Variants in TTC23 observed in about 807,000 individuals in gnomAD.
TTC23 encodes the protein tetratricopeptide repeat domain 23, also known as tetratricopeptide repeat protein 23.
In TTC23, 58 loss-of-function variants were observed where a neutral mutation model predicts 55.1. That is an observed-to-expected ratio of 1.05 (90% confidence interval 0.85 to 1.31). TTC23 has a LOEUF of 1.31. Ranked by LOEUF, TTC23 falls within the 50% of genes most tolerant of loss-of-function variation. TTC23 has a pLI of 0.00. For missense variants in TTC23, 516 were observed against 534.4 expected (o/e 0.97, Z 0.34); for synonymous variants, 203 against 199.9 (o/e 1.02, Z -0.13).
chr15:99,161,705 G>T (rs760971346), intron 11 of TTC23, 35 bp downstream of exon 11: 23 of 1,596,070 alleles, frequency 1.4e-5, no homozygotes, highest in Non-Finnish European at 2.0e-5. Context: ...TATCAACTGT[G>T]AATAACTAGA....
chr15:99,214,582 C>T (rs1336668845), intron 8 of TTC23, among the ~76,000 whole-genome samples: 2 of 151,150 alleles, frequency 1.3e-5, no homozygotes, highest in Non-Finnish European at 2.9e-5. Flanking sequence ...AGCACCACCA[C>T]ACTTGGATAA....
intron 12 of TTC23, among the ~76,000 whole-genome samples, chr15:99,151,635 C>A (rs1555496996): frequency 6.6e-6 from 1 of 152,202 alleles, no homozygotes; most frequent in African/African-American, 2.4e-5. Flanking sequence ...CCCCTTTATA[C>A]CTGAGCTAGT....
intron 8 of TTC23, among the ~76,000 whole-genome samples, chr15:99,212,861 T>A (rs1036298842): frequency 6.6e-6 from 1 of 151,836 alleles, no homozygotes; most frequent in East Asian, 1.9e-4. Flanking sequence ...GGCACGTGCC[T>A]GTAGTCCCAG....
chr15:99,176,906 C>T (rs1409547741), intron 9 of TTC23, among the ~76,000 whole-genome samples: 3 of 152,144 alleles, frequency 2.0e-5, no homozygotes, highest in Admixed American at 2.0e-4. Flanking sequence ...TTCCCCCCAC[C>T]CTAGCCAGTG....
chr15:99,227,597 G>A (rs1003811325), intron 5 of TTC23, among the ~76,000 whole-genome samples: 2 of 152,062 alleles, frequency 1.3e-5, no homozygotes, highest in Admixed American at 6.6e-5. Context: ...TCATCTTTAG[G>A]AGAAAATCAA....
At chr15:99,185,824 G>A (rs1270334976) in intron 9 of TTC23, among the ~76,000 whole-genome samples, 4 of 152,178 alleles carry the variant, frequency 2.6e-5, no homozygotes, top group African/African-American at 9.7e-5. Context: ...CCCTGGAACT[G>A]CTGCCTTCCT....
intron 9 of TTC23, among the ~76,000 whole-genome samples, chr15:99,189,873 C>T (rs2075074528): frequency 6.6e-6 from 1 of 152,040 alleles, no homozygotes; most frequent in South Asian, 2.1e-4. Context: ...GGAATATGAC[C>T]AATGTTCAAA....
At chr15:99,146,626 C>G (rs2068896586) in intron 12 of TTC23, among the ~76,000 whole-genome samples, 1 of 152,218 alleles carries the variant, frequency 6.6e-6, no homozygotes, top group Admixed American at 6.5e-5. Context: ...ATTGATGACC[C>G]TCTGAGGCAC....
intron 12 of TTC23, among the ~76,000 whole-genome samples, chr15:99,142,937 C>T (rs545367484): frequency 6.6e-6 from 1 of 152,302 alleles, no homozygotes; most frequent in African/African-American, 2.4e-5. Context: ...TTACCCTACC[C>T]CTAGACCTTT....
intron 11 of TTC23, chr15:99,157,868 A>C (rs1280593550): frequency 6.6e-6 from 1 of 152,172 alleles, no homozygotes; most frequent in Non-Finnish European, 1.5e-5. Context: ...TTCTTCCACG[A>C]TCTTCCACAT....
chr15:99,204,568 T>G (rs897675319), intron 8 of TTC23, among the ~76,000 whole-genome samples: 1 of 151,324 alleles, frequency 6.6e-6, no homozygotes, highest in Non-Finnish European at 1.5e-5. Flanking sequence ...CCCAGACCGA[T>G]TTCCTGGAGT....
chr15:99,166,972 G>A (rs2072195553), intron 10 of TTC23, among the ~76,000 whole-genome samples: 1 of 152,150 alleles, frequency 6.6e-6, no homozygotes, highest in Non-Finnish European at 1.5e-5. Flanking sequence ...ATACAAGAAA[G>A]CTCCTTTATT....
In TTC23 at chr15:99,187,771, A is replaced by C. The variant is rs1049438045; in HGVS notation, c.759+12148T>G. ...CATCATTAGTCATTAGGGAAATTCA[A>C]ATAAAAAGCCACAATGAGATATCAC... On this transcript the variant is annotated intron_variant, in intron 9 of 13. Coordinates refer to ENST00000394132, the MANE Select transcript of TTC23 (RefSeq NM_001288615.3). Among the ~76,000 whole-genome samples the C allele has an allele frequency of 2.6e-5, 4 of 152,210 alleles. No individual in the cohort carries two copies. In the East Asian group the frequency reaches 7.7e-4, roughly 29 times the overall value.
At chr15:99,247,840 T>TAAATTTTCTAGGATGATGAAAATTTTCTA (rs1261352944) in intron 1 of TTC23, among the ~76,000 whole-genome samples, 1 of 152,224 alleles carries the variant, frequency 6.6e-6, no homozygotes, top group African/African-American at 2.4e-5. Context: ...GAAAATTTTC[T>TAAATTTTCTAGGATGATGAAAATTTTCTA]AAAATTGGAA....
chr15:99,190,608 C>A (rs12915090), intron 9 of TTC23, among the ~76,000 whole-genome samples: 104,256 of 151,952 alleles, frequency 0.69, 36,905 homozygotes, highest in African/African-American at 0.87. Flanking sequence ...TAGAGAAAAC[C>A]AATGTGGCAA....
At chr15:99,226,497 C>T (rs567329533) in intron 5 of TTC23, among the ~76,000 whole-genome samples, 35 of 152,278 alleles carry the variant, frequency 2.3e-4, no homozygotes, top group Non-Finnish European at 4.7e-4. Context: ...TACTAAAAAA[C>T]TGATATTTTA....
chr15:99,202,490 C>CA (rs2076281617), intron 8 of TTC23, among the ~76,000 whole-genome samples: 1 of 151,922 alleles, frequency 6.6e-6, no homozygotes, highest in Non-Finnish European at 1.5e-5. Flanking sequence ...CATAAATGAG[C>CA]AAAAAAGAAA....
Position 99,193,730 on chromosome 15 carries a change from G to A in TTC23, c.759+6189C>T, listed in dbSNP as rs1423817032. Among the ~76,000 whole-genome samples, 3 of 152,114 alleles carry A rather than the reference G, an allele frequency of 2.0e-5. No individual in the cohort carries two copies. The East Asian group carries it at 5.8e-4, about 29-fold the overall frequency. The stretch of plus-strand genomic sequence containing the variant: ...TTTTGAAAGTTTTAAAGTTTGTACT[G>A]GGCACGGTGGCTCACACCTATAATC... On this transcript the variant is annotated intron_variant, in intron 9 of 13. Transcript: ENST00000394132.
At chr15:99,196,767 G>C (rs1446720036) in intron 9 of TTC23, among the ~76,000 whole-genome samples, 1 of 152,094 alleles carries the variant, frequency 6.6e-6, no homozygotes, top group Admixed American at 6.5e-5. Context: ...ACCACAGAGT[G>C]GTCCCTCCAG....
Sources: allele counts gnomAD v4.1 joint callset (sites outside exome capture counted in the v4.1 genomes callset), GRCh38; gene constraint gnomAD v4.1.1; transcripts MANE v1.5; gene names NCBI Gene and HGNC (gene_info 2026-07-23, HGNC 2026-07-21).